BCLAF1: variants seen among roughly 807,000 people sequenced by gnomAD.
BCLAF1 encodes the protein BCL2 associated transcription factor 1.
BCLAF1 carries 10 observed loss-of-function variants against 99.5 expected under a neutral mutation model. That is an observed-to-expected ratio of 0.10 (90% CI 0.06 to 0.17). The LOEUF (loss-of-function observed/expected upper bound fraction) is 0.17, where lower values mean the gene tolerates loss of function less well. BCLAF1 is among the 10% of genes least tolerant of loss of function. BCLAF1 has a pLI of 1.00. For synonymous variants in BCLAF1, 255 were observed against 370.9 expected, an observed-to-expected ratio of 0.69 and a Z score of 3.59; for missense variants, 636 against 1,105.8, an observed-to-expected ratio of 0.58 and a Z score of 6.02.
intron 1 of BCLAF1, among the ~76,000 whole-genome samples, chr6:136,289,007 A>T (rs1169285122): frequency 1.3e-5 from 2 of 152,200 alleles, no homozygotes; most frequent in African/African-American, 4.8e-5. Flanking sequence ...GCACCAGTCA[A>T]CAGCGCGCGC....
intron 3 of BCLAF1, among the ~76,000 whole-genome samples, chr6:136,279,063 T>A (rs901869477): frequency 1.3e-5 from 2 of 150,650 alleles, no homozygotes; most frequent in East Asian, 2.0e-4. Flanking sequence ...TAGGACATAT[T>A]AGCAAATTGT....
intron 11 of BCLAF1, 128 bp downstream of exon 11, chr6:136,266,901 T>G (rs1330568689): frequency 9.0e-6 from 11 of 1,227,084 alleles, no homozygotes; most frequent in Non-Finnish European, 1.1e-5. Context: ...TGGGTAATTA[T>G]TTTAAAAAAG....
At chr6:136,284,134 A>G (rs1401239921) in intron 1 of BCLAF1, among the ~76,000 whole-genome samples, 90 of 63,616 alleles carry the variant, frequency 1.4e-3, no homozygotes, top group East Asian at 2.8e-3. Context: ...GTGTGTGTAT[A>G]TATATATATA....
intron 1 of BCLAF1, among the ~76,000 whole-genome samples, chr6:136,287,342 A>G (rs1785285685): frequency 6.6e-6 from 1 of 152,192 alleles, no homozygotes; most frequent in Non-Finnish European, 1.5e-5. Context: ...AAAGTGTTTG[A>G]AAACTCTAAA....
intron 6 of BCLAF1, among the ~76,000 whole-genome samples, chr6:136,274,657 GA>G: frequency 6.6e-6 from 1 of 152,096 alleles, no homozygotes; most frequent in Non-Finnish European, 1.5e-5. Flanking sequence ...TAAAAGCGGG[GA>G]GGGGATTAAT....
chr6:136,285,912 A>C (rs190565263), intron 1 of BCLAF1, among the ~76,000 whole-genome samples: 4 of 152,266 alleles, frequency 2.6e-5, no homozygotes, highest in Non-Finnish European at 5.9e-5. Flanking sequence ...AGCCTGGCCA[A>C]CATGGTGAAA....
chr6:136,284,988 G>A (rs1323010991), intron 1 of BCLAF1, among the ~76,000 whole-genome samples: 2 of 152,102 alleles, frequency 1.3e-5, no homozygotes, highest in African/African-American at 2.4e-5. Context: ...CTAGGCAGAG[G>A]ACACAAACTT....
chr6:136,281,497 GA>G (rs1784379759), intron 2 of BCLAF1, among the ~76,000 whole-genome samples: 1 of 152,060 alleles, frequency 6.6e-6, no homozygotes, highest in African/African-American at 2.4e-5. Context: ...GTTTTTAAAA[GA>G]ATATAAATAC....
At chr6:136,267,660 C>A (rs1262782488) in intron 10 of BCLAF1, among the ~76,000 whole-genome samples, 1 of 151,614 alleles carries the variant, frequency 6.6e-6, no homozygotes, top group Non-Finnish European at 1.5e-5. Flanking sequence ...CCATGGAAGT[C>A]ATTATATTAA....
At position 136,275,836 on chromosome 6, in the gene BCLAF1, G is replaced by GA; in HGVS notation, c.1682+6dup. ...AGATTATTTACTGGGCATCAATATG[G>GA]AATTACCTGTTAGAATCATCAAGAG... On this transcript the variant is annotated splice_region_variant and intron_variant, in intron 5 of 12. Transcript: ENST00000531224. 1 of 1,609,270 alleles carries GA rather than the reference G, an allele frequency of 6.2e-7. No homozygotes were observed.
chr6:136,265,187 T>C (rs757684600), intron 11 of BCLAF1, among the ~76,000 whole-genome samples: 1 of 152,192 alleles, frequency 6.6e-6, no homozygotes, highest in Non-Finnish European at 1.5e-5. Flanking sequence ...CTTTGAAATG[T>C]TGGTCTTTAT....
At position 136,260,882 on chromosome 6, in the gene BCLAF1, T is replaced by C. The variant is rs1338317183; in HGVS notation, c.*228A>G. On this transcript the variant is annotated 3_prime_UTR_variant, in exon 13 of 13. Coordinates refer to ENST00000531224, the MANE Select transcript of BCLAF1 (RefSeq NM_014739.3). Reference sequence around the variant, plus strand: ...AAACGTTAAAAGTTTTAAAAGTTGATAGTTACAAATATGGTACGTAACAAT... The same window carrying C: ...AAACGTTAAAAGTTTTAAAAGTTGACAGTTACAAATATGGTACGTAACAAT... 6.1e-6 allele frequency: 3 copies of C among 494,876 alleles called. No individual in the cohort carries two copies. The highest frequency in any genetic ancestry group is 6.6e-5 in the East Asian group (2 of 30,146). 30.7% of individuals were successfully genotyped at this position (494,876 alleles called of 1,614,324 possible).
At chr6:136,275,172 C>G (rs911634759) in intron 6 of BCLAF1, among the ~76,000 whole-genome samples, 4 of 152,088 alleles carry the variant, frequency 2.6e-5, no homozygotes, top group African/African-American at 9.7e-5. Flanking sequence ...AAGATTATCA[C>G]AAGCCATAGG....
rs889655962 is a variant in BCLAF1, at chr6:136,260,019, A to G, written c.*1091T>C. On this transcript the variant is annotated 3_prime_UTR_variant, in exon 13 of 13. Transcript: ENST00000531224. ...AAAACTGCAACTGAAATGGGGGGGAAAAAGGTTAGATCAATGCCGCAACAA... is the reference window on the plus strand; with the variant it reads ...AAAACTGCAACTGAAATGGGGGGGAGAAAGGTTAGATCAATGCCGCAACAA... The G allele has an allele frequency of 6.6e-6, 1 of 152,056 alleles. No individual in the cohort carries two copies. Among genetic ancestry groups the G allele is most frequent in the Non-Finnish European group, 1.5e-5 (1 of 67,906 alleles). The allele number at this position is 152,056 out of a possible 1,614,324, so 9.4% of individuals were successfully genotyped here. A position where few individuals can be genotyped will look rare whatever the true frequency, so the allele number is the denominator to read the frequency against.
At chr6:136,263,845 T>C (rs1209513850) in intron 11 of BCLAF1, among the ~76,000 whole-genome samples, 1 of 152,186 alleles carries the variant, frequency 6.6e-6, no homozygotes, top group Non-Finnish European at 1.5e-5. Flanking sequence ...AACTAGTATC[T>C]TTCCTGGAAT....
rs1780537098 is a variant in BCLAF1, at chr6:136,257,680, T to G, written c.*3430A>C. On this transcript the variant is annotated 3_prime_UTR_variant, in exon 13 of 13. Transcript: ENST00000531224. ...TGTAATGGATATTACTTTCTCATTTTAAGGCTCAAGAGATTGAGTCTAGCC... is the reference window on the plus strand; with the variant it reads ...TGTAATGGATATTACTTTCTCATTTGAAGGCTCAAGAGATTGAGTCTAGCC... The G allele has an allele frequency of 6.6e-6, 1 of 152,184 alleles. No homozygotes were observed. The highest frequency in any genetic ancestry group is 2.1e-4 in the South Asian group (1 of 4,834). 9.4% of individuals were successfully genotyped at this position (152,184 alleles called of 1,614,324 possible). A position where few individuals can be genotyped will look rare whatever the true frequency, so the allele number is the denominator to read the frequency against.
chr6:136,288,419 C>T (rs1422704093), intron 1 of BCLAF1, among the ~76,000 whole-genome samples: 1 of 152,306 alleles, frequency 6.6e-6, no homozygotes, highest in Admixed American at 6.5e-5. Context: ...AATACAAAAG[C>T]CTTGTAGCAG....
chr6:136,263,903 G>A (rs996139985), intron 11 of BCLAF1, among the ~76,000 whole-genome samples: 1 of 152,076 alleles, frequency 6.6e-6, no homozygotes, highest in Non-Finnish European at 1.5e-5. Context: ...ACAAAGCTTA[G>A]AGATAGGAAA....
Position 136,281,834 on chromosome 6 carries a change from G to A in BCLAF1, c.-11+750C>T, listed in dbSNP as rs575291775. ...GGATGTAGCTGGGCTTGTGGCACAC[G>A]AGCACAACAGGTATTTAATAAATAA... On this transcript the variant is annotated intron_variant, in intron 2 of 12. Coordinates refer to ENST00000531224, the MANE Select transcript of BCLAF1 (RefSeq NM_014739.3). Among the ~76,000 whole-genome samples the A allele has an allele frequency of 2.6e-5, 4 of 152,300 alleles. No individual in the cohort carries two copies. In the East Asian group the frequency reaches 7.7e-4, roughly 29 times the overall value.
Sources: allele counts gnomAD v4.1 joint callset (sites outside exome capture counted in the v4.1 genomes callset), GRCh38; gene constraint gnomAD v4.1.1; transcripts MANE v1.5; gene names NCBI Gene and HGNC (gene_info 2026-07-23, HGNC 2026-07-21).